The following FXR1 variants were observed in gnomAD, a reference collection of about 807,000 sequenced individuals.
The protein encoded by FXR1 is RNA-binding protein FXR1.
Under a neutral mutation model 84.0 loss-of-function variants are expected in FXR1, and 15 were observed. That is an observed-to-expected ratio of 0.18 (90% confidence interval 0.12 to 0.27). The LOEUF (loss-of-function observed/expected upper bound fraction) is 0.27, where lower values mean the gene tolerates loss of function less well. Among genes scored for constraint, FXR1 ranks in the 10% least tolerant of loss-of-function variants. FXR1 has a pLI of 1.00. For missense variants in FXR1, 480 were observed against 774.4 expected, an observed-to-expected ratio of 0.62 and a Z score of 4.51; for synonymous variants, 245 against 250.7, an observed-to-expected ratio of 0.98 and a Z score of 0.21.
At chr3:180,931,274 A>G (rs1208089454) in intron 1 of FXR1, among the ~76,000 whole-genome samples, 2 of 151,916 alleles carry the variant, frequency 1.3e-5, no homozygotes, top group Non-Finnish European at 2.9e-5. Flanking sequence ...GCTGGAGTGT[A>G]GTGGTGTAGC....
At chr3:180,972,467 T>G (rs76972704) in intron 15 of FXR1, among the ~76,000 whole-genome samples, 2 of 152,170 alleles carry the variant, frequency 1.3e-5, no homozygotes, top group Admixed American at 6.5e-5. Flanking sequence ...AAAAAATGTT[T>G]TAGATGAAGA....
intron 7 of FXR1, among the ~76,000 whole-genome samples, chr3:180,950,617 A>G (rs756993838): frequency 1.3e-5 from 2 of 152,150 alleles, no homozygotes; most frequent in Admixed American, 6.6e-5. Flanking sequence ...CTGCAAATCT[A>G]TACCCTTTAG....
intron 1 of FXR1, among the ~76,000 whole-genome samples, chr3:180,932,346 G>A (rs1309138613): frequency 6.6e-6 from 1 of 152,160 alleles, no homozygotes; most frequent in Non-Finnish European, 1.5e-5. Flanking sequence ...GGTTGAAAGT[G>A]TGTGTAAGCA....
At chr3:180,949,135 A>C in intron 6 of FXR1, 92 bp from the exon 7 acceptor site, 2 of 774,372 alleles carry the variant, frequency 2.6e-6, no homozygotes, top group South Asian at 2.8e-5. Flanking sequence ...GTAGATGAGA[A>C]GCAAGGAAGG....
intron 10 of FXR1, among the ~76,000 whole-genome samples, chr3:180,958,228 C>T (rs1263608673): frequency 6.6e-6 from 1 of 152,036 alleles, no homozygotes; most frequent in East Asian, 1.9e-4. Flanking sequence ...GAACTTGATA[C>T]TCCAAAAGGA....
intron 7 of FXR1, 75 bp from the exon 8 acceptor site, chr3:180,951,223 G>GA (rs1722206157): frequency 3.3e-6 from 3 of 899,054 alleles, no homozygotes; most frequent in Non-Finnish European, 3.5e-6. Flanking sequence ...ACCCTGTCTG[G>GA]AAAAAAACCA....
In FXR1 at chr3:180,912,670, C is replaced by T. The variant is rs751860476; in HGVS notation, c.-16C>T. On this transcript the variant is annotated 5_prime_UTR_variant, in exon 1 of 17. Transcript: ENST00000357559. ...AGTTTCTAGAATCTCTTCCCAGCGG[C>T]CTTTGCGGTTCCAACATGGCGGAGC... The T allele has an allele frequency of 3.1e-6, 5 of 1,613,464 alleles. No individual in the cohort carries two copies. Among genetic ancestry groups the T allele is most frequent in the Middle Eastern group, 1.6e-4 (1 of 6,078 alleles).
At chr3:180,929,210 T>C (rs910044818) in intron 1 of FXR1, among the ~76,000 whole-genome samples, 5 of 152,202 alleles carry the variant, frequency 3.3e-5, no homozygotes, top group Admixed American at 2.6e-4. Flanking sequence ...CGGCCTAATT[T>C]ATGGCATTTT....
chr3:180,968,423 GT>G, intron 14 of FXR1, 169 bp downstream of exon 14: 1 of 580,834 alleles, frequency 1.7e-6, no homozygotes, highest in Non-Finnish European at 3.1e-6. Context: ...CTCGTAGAGT[GT>G]TTCTCAGTGA....
intron 14 of FXR1, among the ~76,000 whole-genome samples, chr3:180,968,893 G>C (rs777688257): frequency 2.0e-5 from 3 of 152,108 alleles, no homozygotes; most frequent in Admixed American, 2.0e-4. Flanking sequence ...ACCATAACGG[G>C]CTAGGGAGTT....
In FXR1 at chr3:180,975,387, A is replaced by G. The variant is rs1441905992; in HGVS notation, c.1678A>G (p.Lys560Glu). 9 of 1,467,348 alleles carry G rather than the reference A, an allele frequency of 6.1e-6. No individual in the cohort carries two copies. The highest frequency in any genetic ancestry group is 1.8e-4 in the Middle Eastern group (1 of 5,700). The allele number at this position is 1,467,348 out of a possible 1,614,324, so 90.9% of individuals were successfully genotyped here. The change falls in exon 16 of 17, where the codon AAA (lysine) becomes GAA (glutamate). Residue 560 changes from lysine to glutamate, a missense_variant. This residue lies in a region of FXR1 where 94 missense variants were observed against 81.8 expected (regional missense o/e 1.15). Coordinates refer to ENST00000357559, the MANE Select transcript of FXR1 (RefSeq NM_005087.4). ...AAACCTCCCAAGGGAAACTTTGGCT[A>G]AAAACAAGAAAGAAATGGTAAGGAG... is the stretch of plus-strand genomic sequence containing the variant. ...QRNLPRETLA[K>E]NKKEMAKDVI...
At chr3:180,968,301 T>C (rs2108491088) in intron 14 of FXR1, 47 bp downstream of exon 14, 1 of 1,327,184 alleles carries the variant, frequency 7.5e-7, no homozygotes, top group East Asian at 2.4e-5. Context: ...GTAAACAGTT[T>C]AATTTTACAA....
chr3:180,926,795 T>C (rs1481254291), intron 1 of FXR1, among the ~76,000 whole-genome samples: 1 of 151,976 alleles, frequency 6.6e-6, no homozygotes, highest in Non-Finnish European at 1.5e-5. Context: ...TTGTAATGAA[T>C]TGAAATGGTA....
intron 1 of FXR1, among the ~76,000 whole-genome samples, chr3:180,926,232 T>C (rs893121637): frequency 9.2e-5 from 14 of 152,056 alleles, no homozygotes; most frequent in African/African-American, 3.4e-4. Context: ...AGAAAAACAG[T>C]AGTCTTAAAG....
intron 15 of FXR1, chr3:180,970,990 C>T: frequency 7.2e-6 from 2 of 279,502 alleles, no homozygotes; most frequent in South Asian, 4.8e-5. Context: ...TATTTTTCCC[C>T]TTTAAATCTT....
At chr3:180,957,015 T>A (rs1488849989) in intron 9 of FXR1, among the ~76,000 whole-genome samples, 3 of 152,212 alleles carry the variant, frequency 2.0e-5, no homozygotes, top group Non-Finnish European at 2.9e-5. Flanking sequence ...CGGTTCCATA[T>A]GGTGAAGGTT....
At chr3:180,958,753 A>G (rs960616869) in intron 10 of FXR1, among the ~76,000 whole-genome samples, 16 of 151,858 alleles carry the variant, frequency 1.1e-4, no homozygotes, top group Admixed American at 2.6e-4. Context: ...ACCATTTCTT[A>G]ATTGAAATCC....
intron 11 of FXR1, among the ~76,000 whole-genome samples, chr3:180,962,157 T>A (rs2108483877): frequency 6.6e-6 from 1 of 152,366 alleles, no homozygotes; most frequent in South Asian, 2.1e-4. Context: ...CCTGCTGTGT[T>A]TCTTTTTAAA....
rs1051295270 is a variant in FXR1, at chr3:180,979,235, C to T, written c.*2943C>T. ...TTTGTATCCTCTGCAAACAGATTTACGCTTTTGAGGCTCAAACCAACTAGT... is the reference window on the plus strand; with the variant it reads ...TTTGTATCCTCTGCAAACAGATTTATGCTTTTGAGGCTCAAACCAACTAGT... On this transcript the variant is annotated 3_prime_UTR_variant, in exon 17 of 17. Transcript: ENST00000357559. 7.9e-5 allele frequency: 12 copies of T among 152,206 alleles called. 1 individual carries two copies. In the South Asian group the frequency reaches 8.3e-4, roughly 11 times the overall value. The allele number at this position is 152,206 out of a possible 1,614,324, so 9.4% of individuals were successfully genotyped here. A position where few individuals can be genotyped will look rare whatever the true frequency, so the allele number is the denominator to read the frequency against.
Sources: allele counts gnomAD v4.1 joint callset (sites outside exome capture counted in the v4.1 genomes callset), GRCh38; gene constraint gnomAD v4.1.1; regional missense constraint gnomAD v4.1.1; transcripts MANE v1.5; gene names NCBI Gene and HGNC (gene_info 2026-07-23, HGNC 2026-07-21).